Variants in BBS9 observed in about 807,000 individuals in gnomAD.
The protein encoded by BBS9 is protein PTHB1.
BBS9 carries 89 observed loss-of-function variants against 117.7 expected under a neutral mutation model. The ratio of observed to expected loss-of-function variants is 0.76; its 90% CI spans 0.64 to 0.90. The LOEUF is 0.90. BBS9 is among the 40% of genes least tolerant of loss of function. The pLI, the probability that BBS9 is intolerant of heterozygous loss-of-function variation, is 0.00. For missense variants in BBS9, 982 were observed against 1,042.2 expected (o/e 0.94, Z 0.80); for synonymous variants, 379 against 370.9 (o/e 1.02, Z -0.25).
chr7:33,323,748 A>G (rs1054291151), intron 9 of BBS9, among the ~76,000 whole-genome samples: 1 of 148,148 alleles, frequency 6.8e-6, no homozygotes, highest in Non-Finnish European at 1.5e-5. Context: ...TTCAGTTTTC[A>G]TTATTAATAA....
intron 19 of BBS9, among the ~76,000 whole-genome samples, chr7:33,439,405 A>G (rs141506688): frequency 1.3e-5 from 2 of 152,158 alleles, no homozygotes; most frequent in East Asian, 1.9e-4. Context: ...TGTCTTTCTG[A>G]TGTGACCCAT....
chr7:33,605,905 G>T lies in BBS9; in HGVS notation c.*679G>T, dbSNP rs1864515878. The T allele has an allele frequency of 6.6e-6, 1 of 152,246 alleles. No individual in the cohort carries two copies. Among genetic ancestry groups the T allele is most frequent in the African/African-American group, 2.4e-5 (1 of 41,404 alleles). The allele number at this position is 152,246 out of a possible 1,614,324, so 9.4% of individuals were successfully genotyped here. A position where few individuals can be genotyped will look rare whatever the true frequency, so the allele number is the denominator to read the frequency against. The stretch of plus-strand genomic sequence containing the variant: ...AACATCCCCTTTTCATTACCCCATT[G>T]GGTGGCACCTTTTAAAAATCCAGGT... On this transcript the variant is annotated 3_prime_UTR_variant, in exon 23 of 23. Coordinates refer to ENST00000242067, the MANE Select transcript of BBS9 (RefSeq NM_198428.3).
intron 9 of BBS9, among the ~76,000 whole-genome samples, chr7:33,334,460 T>C (rs1192511254): frequency 6.6e-6 from 1 of 152,104 alleles, no homozygotes; most frequent in Non-Finnish European, 1.5e-5. Flanking sequence ...TCGTAGGGCT[T>C]AGTGGGGCTA....
chr7:33,213,496 C>T (rs1177765255), intron 5 of BBS9, among the ~76,000 whole-genome samples: 1 of 152,200 alleles, frequency 6.6e-6, no homozygotes, highest in Non-Finnish European at 1.5e-5. Context: ...AAGCTGGTAC[C>T]TAAGGTGCAA....
chr7:33,491,476 G>T (rs1443187850), intron 19 of BBS9, among the ~76,000 whole-genome samples: 1 of 152,196 alleles, frequency 6.6e-6, no homozygotes, highest in African/African-American at 2.4e-5. Context: ...CTAAGAGAAT[G>T]TTCTGCTAGT....
At chr7:33,427,331 G>A (rs999829085) in intron 19 of BBS9, among the ~76,000 whole-genome samples, 3 of 152,162 alleles carry the variant, frequency 2.0e-5, no homozygotes, top group Non-Finnish European at 4.4e-5. Context: ...GAAGGGTTGG[G>A]TGGAGTAGGG....
At chr7:33,172,092 G>A (rs1796663004) in intron 4 of BBS9, among the ~76,000 whole-genome samples, 1 of 152,052 alleles carries the variant, frequency 6.6e-6, no homozygotes, top group Non-Finnish European at 1.5e-5. Context: ...CTAAGAACAT[G>A]CCTCTAGGCC....
chr7:33,347,373 T>C (rs1235293589), intron 12 of BBS9, among the ~76,000 whole-genome samples: 1 of 152,004 alleles, frequency 6.6e-6, no homozygotes, highest in Non-Finnish European at 1.5e-5. Context: ...TGAAAGAAAG[T>C]TGTTTGTAGC....
intron 5 of BBS9, among the ~76,000 whole-genome samples, chr7:33,192,781 C>G (rs1583559647): frequency 6.6e-6 from 1 of 152,118 alleles, no homozygotes; most frequent in Non-Finnish European, 1.5e-5. Context: ...AGGGCCTGTT[C>G]CTCATAGATG....
chr7:33,583,909 A>G (rs1860444897), intron 21 of BBS9, among the ~76,000 whole-genome samples: 1 of 152,146 alleles, frequency 6.6e-6, no homozygotes, highest in Non-Finnish European at 1.5e-5. Flanking sequence ...GAATGTTATT[A>G]TATATATCTC....
intron 17 of BBS9, chr7:33,380,114 A>T (rs1824694243): frequency 6.4e-6 from 1 of 157,450 alleles, no homozygotes; most frequent in South Asian, 2.0e-4. Context: ...GAGGAAGCCC[A>T]CAAGATGGTG....
chr7:33,390,105 T>C (rs1826803474), intron 19 of BBS9: 1 of 279,972 alleles, frequency 3.6e-6, no homozygotes, highest in East Asian at 1.8e-4. Flanking sequence ...TTCCTTCTTT[T>C]CCTTTTCCTT....
chr7:33,448,134 G>A (rs1837266623), intron 19 of BBS9, among the ~76,000 whole-genome samples: 2 of 152,090 alleles, frequency 1.3e-5, no homozygotes, highest in Non-Finnish European at 2.9e-5. Context: ...ATTCTTGGCC[G>A]CTAGTTTTCC....
rs571590029 is a variant in BBS9, at chr7:33,274,788, A to G, written c.1016+832A>G. The stretch of plus-strand genomic sequence containing the variant: ...GGTGGTTGGATCATCTGAGGTCAGG[A>G]GTTCAAGACCAGCCTGGCCAACATG... On this transcript the variant is annotated intron_variant, in intron 9 of 22. Coordinates refer to ENST00000242067, the MANE Select transcript of BBS9 (RefSeq NM_198428.3). 1.3e-4 allele frequency among the ~76,000 whole-genome samples: 20 copies of G among 152,232 alleles called. No individual in the cohort carries two copies. The South Asian group carries it at 4.1e-3, about 32-fold the overall frequency.
At chr7:33,288,229 A>G (rs1183105896) in intron 9 of BBS9, among the ~76,000 whole-genome samples, 1 of 151,758 alleles carries the variant, frequency 6.6e-6, no homozygotes, top group African/African-American at 2.4e-5. Context: ...AAAAATGGCA[A>G]CTCTTTTCCA....
chr7:33,180,558 T>C (rs1202440585), intron 5 of BBS9, among the ~76,000 whole-genome samples: 2 of 152,090 alleles, frequency 1.3e-5, no homozygotes, highest in Non-Finnish European at 2.9e-5. Flanking sequence ...GGTTTCACCA[T>C]GTTGGCCAGG....
At chr7:33,598,981 T>G (rs1863374921) in intron 21 of BBS9, among the ~76,000 whole-genome samples, 1 of 152,164 alleles carries the variant, frequency 6.6e-6, no homozygotes, top group Non-Finnish European at 1.5e-5. Context: ...TCATTCACAT[T>G]TATGTATTGA....
Position 33,383,675 on chromosome 7 carries a change from G to T in BBS9, c.1799G>T (p.Arg600Leu), listed in dbSNP as rs749018243. ...VLASKTSQRY[R>L]IQSEQFEDLW... ...AATTTTTTTCTCTCAGAACGATATC[G>T]CATTCAGAGTGAACAATTTGAAGAT... The change falls in exon 18 of 23, where the codon CGC (arginine) becomes CTC (leucine). Residue 600 changes from arginine (R) to leucine (L), a missense_variant. Arg to Leu is a moderately radical substitution (Grantham distance 102). Transcript: ENST00000242067. 6.2e-6 allele frequency: 10 copies of T among 1,605,780 alleles called. No homozygotes were observed. The highest frequency in any genetic ancestry group is 8.5e-6 in the Non-Finnish European group (10 of 1,175,072).
chr7:33,410,868 C>G (rs1300620525), intron 19 of BBS9, among the ~76,000 whole-genome samples: 1 of 58,848 alleles, frequency 1.7e-5, no homozygotes, highest in Non-Finnish European at 3.1e-5. Context: ...TAGATGCAAC[C>G]TTTTTCTCCT....
Sources: allele counts gnomAD v4.1 joint callset (sites outside exome capture counted in the v4.1 genomes callset), GRCh38; gene constraint gnomAD v4.1.1; transcripts MANE v1.5; gene names NCBI Gene and HGNC (gene_info 2026-07-23, HGNC 2026-07-21).